MGAM: variants seen among roughly 807,000 people sequenced by gnomAD.
The protein encoded by MGAM is maltase-glucoamylase, also known as alpha-1,4-glucosidase.
Under a neutral mutation model 358.8 loss-of-function variants are expected in MGAM, and 253 were observed. That is an observed-to-expected ratio of 0.71 (90% CI 0.64 to 0.78). The LOEUF is 0.78. MGAM is among the 30% of genes least tolerant of loss of function. MGAM has a pLI of 0.00. For synonymous variants in MGAM, 1,105 were observed against 1,227.1 expected, an observed-to-expected ratio of 0.90 and a Z score of 2.08; for missense variants, 3,080 against 3,432.6, an observed-to-expected ratio of 0.90 and a Z score of 2.57.
chr7:141,990,780 G>T (rs1015300738), intron 2 of MGAM, among the ~76,000 whole-genome samples: 3 of 152,154 alleles, frequency 2.0e-5, no homozygotes, highest in Non-Finnish European at 4.4e-5. Context: ...CGCTGCACCG[G>T]TTCTGTTATT....
chr7:142,041,892 T>TGTA (rs1808628238), intron 21 of MGAM, among the ~76,000 whole-genome samples: 1 of 44,792 alleles, frequency 2.2e-5, no homozygotes, highest in Non-Finnish European at 3.8e-5. Context: ...ACGTATAATA[T>TGTA]ATAATATATA....
At chr7:142,026,481 A>C (rs1806984227) in intron 8 of MGAM, among the ~76,000 whole-genome samples, 1 of 152,214 alleles carries the variant, frequency 6.6e-6, no homozygotes, top group Non-Finnish European at 1.5e-5. Flanking sequence ...GTGATGAGTA[A>C]CTCAAAGCAG....
rs779098977 is a variant in MGAM, at chr7:142,008,671, G to A, written c.293G>A (p.Arg98Gln). ...AECPVVNELE[R>Q]INCIPDQPPT... Reference sequence around the variant, plus strand: ...TGTCCAGTGGTAAATGAATTGGAACGAATTAATTGCATCCCTGACCAGCCG... The same window carrying A: ...TGTCCAGTGGTAAATGAATTGGAACAAATTAATTGCATCCCTGACCAGCCG... The change falls in exon 3 of 71, where the codon CGA becomes CAA. Residue 98 changes from arginine to glutamine, a missense_variant. By Grantham distance (43) the Arg-to-Gln change is conservative. Around this residue, in one of 5 missense-constraint regions of MGAM, gnomAD observed 1,816 missense variants for 1,840.5 expected, o/e 0.99. Coordinates refer to ENST00000475668, the MANE Select transcript of MGAM (RefSeq NM_001365693.1). 112 of 1,613,244 alleles carry A rather than the reference G, an allele frequency of 6.9e-5. No individual in the cohort carries two copies. Among genetic ancestry groups the A allele is most frequent in the Non-Finnish European group, 9.1e-5 (107 of 1,179,584 alleles).
intron 2 of MGAM, among the ~76,000 whole-genome samples, chr7:142,006,917 C>A (rs375589747): frequency 1.3e-5 from 2 of 152,088 alleles, no homozygotes; most frequent in South Asian, 2.1e-4. Context: ...TGCTGCTGTG[C>A]GCTTCATCTT....
At position 142,021,715 on chromosome 7, in the gene MGAM, A is replaced by G; in HGVS notation, c.688A>G (p.Arg230Gly). The G allele has an allele frequency of 5.0e-6, 8 of 1,613,944 alleles. No individual in the cohort carries two copies. Among genetic ancestry groups the G allele is most frequent in the Non-Finnish European group, 6.8e-6 (8 of 1,179,814 alleles). Residue 230 changes from arginine (R) to glycine (G), a missense_variant, in exon 6 of 71, where the codon AGA becomes GGA. Physicochemically the swap from Arg to Gly is moderately radical, Grantham distance 125 (BLOSUM62 -2). Around this residue, in one of 5 missense-constraint regions of MGAM, gnomAD observed 1,816 missense variants for 1,840.5 expected, o/e 0.99. Coordinates refer to ENST00000475668, the MANE Select transcript of MGAM (RefSeq NM_001365693.1). ...SRQPFSIKVT[R>G]RSNNRVLFDS... Reference sequence around the variant, plus strand: ...ACAGCCATTTAGCATCAAAGTGACCAGAAGAAGCAACAATCGTGTTTTGTA... The same window carrying G: ...ACAGCCATTTAGCATCAAAGTGACCGGAAGAAGCAACAATCGTGTTTTGTA...
chr7:142,003,117 C>T (rs536987877), intron 1 of MGAM, among the ~76,000 whole-genome samples: 1 of 152,036 alleles, frequency 6.6e-6, no homozygotes, highest in Non-Finnish European at 1.5e-5. Context: ...TTGGAGGAAT[C>T]AGTATCATCA....
chr7:142,092,397 C>T (rs1182956806), intron 58 of MGAM, 124 bp from the exon 59 acceptor site: 1 of 1,030,418 alleles, frequency 9.7e-7, no homozygotes, highest in South Asian at 1.5e-5. Context: ...TGATGAAGCT[C>T]CCAGGGCTGG....
At position 142,089,887 on chromosome 7, in the gene MGAM, G is replaced by A. The variant is rs772704698; in HGVS notation, c.6811-2026G>A. 4.8e-5 allele frequency among the ~76,000 whole-genome samples: 7 copies of A among 146,350 alleles called. 1 individual carries two copies. The highest frequency in any genetic ancestry group is 9.3e-5 in the Non-Finnish European group (6 of 64,664). ...TTATATTATTAATAAAGACCCACTC[G>A]ATGAAGCTGGTGAGGATGAAGCCAC... On this transcript the variant is annotated intron_variant, in intron 57 of 70. Transcript: ENST00000475668.
chr7:142,039,126 G>A, intron 19 of MGAM, among the ~76,000 whole-genome samples: 1 of 126,310 alleles, frequency 7.9e-6, no homozygotes, highest in African/African-American at 3.3e-5. Context: ...TTTTTTTTGA[G>A]ATGGAGTCTC....
At chr7:142,099,864 T>C (rs1816292956) in intron 67 of MGAM, 127 bp downstream of exon 67, 2 of 1,358,594 alleles carry the variant, frequency 1.5e-6, no homozygotes, top group Non-Finnish European at 2.0e-6. Context: ...GTTTTTTCTT[T>C]GTTTGCTTGT....
In MGAM at chr7:142,076,745, G is replaced by A. The variant is rs749455411; in HGVS notation, c.5412G>A (p.Glu1804=). The A allele has an allele frequency of 6.4e-7, 1 of 1,553,808 alleles. No homozygotes were observed. The highest frequency in any genetic ancestry group is 8.8e-7 in the Non-Finnish European group (1 of 1,130,280). ...AFNEIKILGM[E]EPSNVTVKHN... ...ATGAGATTAAAATTCTTGGGATGGAGGAACCTAGCAATGTTACGGTGAAAC... is the reference window on the plus strand; with the variant it reads ...ATGAGATTAAAATTCTTGGGATGGAAGAACCTAGCAATGTTACGGTGAAAC... Residue 1804 remains glutamate (E), a synonymous_variant, in exon 47 of 71, where the codon GAG becomes GAA. Coordinates refer to ENST00000475668, the MANE Select transcript of MGAM (RefSeq NM_001365693.1).
rs1156514233 is a variant in MGAM at position 142,052,274 on chromosome 7, T to C, written c.2806-20T>C. 1.3e-6 allele frequency: 2 copies of C among 1,578,248 alleles called. No individual in the cohort carries two copies. Among genetic ancestry groups the C allele is most frequent in the Non-Finnish European group, 1.7e-6 (2 of 1,161,068 alleles). On this transcript the variant is annotated intron_variant, in intron 24 of 70. Transcript: ENST00000475668. The stretch of plus-strand genomic sequence containing the variant: ...TGTCTCCTAAAGATGAATTTCCTTA[T>C]GATTTCCACATTCCTACAGGTTGCC...
At chr7:142,042,946 ATTATATATACATATAATATCT>A (rs1563149528) in intron 21 of MGAM, among the ~76,000 whole-genome samples, 28 of 63,014 alleles carry the variant, frequency 4.4e-4, no homozygotes, top group African/African-American at 1.6e-3. Flanking sequence ...TAATATATAT[ATTATATATACATATAATATCT>A]AAATATAATA....
chr7:141,999,787 G>A (rs563244995), intron 1 of MGAM, among the ~76,000 whole-genome samples: 7 of 152,002 alleles, frequency 4.6e-5, no homozygotes, highest in South Asian at 2.1e-4. Context: ...TTTTATTTGC[G>A]TCTTGCCATT....
chr7:141,991,079 A>C (rs1426450195), upstream of MGAM, among the ~76,000 whole-genome samples: 2 of 152,302 alleles, frequency 1.3e-5, no homozygotes, highest in South Asian at 4.1e-4. Flanking sequence ...CATTAGTTAC[A>C]TGACCTGGGG....
chr7:142,067,404 G>C lies in MGAM; in HGVS notation c.4983G>C (p.Leu1661=), dbSNP rs763225427. The C allele has an allele frequency of 4.5e-6, 7 of 1,551,974 alleles. 1 individual carries two copies. In the South Asian group the frequency reaches 6.7e-5, roughly 15 times the overall value. The part of the protein sequence containing the change: ...DSQFLLGPAF[L]VSPVLERNAR... ...AGTTCCTGCTGGGCCCAGCCTTCCT[G>C]GTCAGCCCTGTCCTGGAGCGCGTGA... The change falls in exon 42 of 71, where the codon CTG becomes CTC. Residue 1661 remains leucine, a synonymous_variant. Transcript: ENST00000475668.
intron 23 of MGAM, 97 bp from the exon 24 acceptor site, chr7:142,050,600 T>C: frequency 8.0e-7 from 1 of 1,254,524 alleles, no homozygotes; most frequent in Non-Finnish European, 1.1e-6. Context: ...TTTATGGCAG[T>C]GGGGGGTATC....
chr7:142,086,156 A>G (rs1814732402), intron 55 of MGAM, 62 bp from the exon 56 acceptor site: 2 of 1,452,992 alleles, frequency 1.4e-6, no homozygotes, highest in East Asian at 2.4e-5. Context: ...GTTCTCCTTC[A>G]TTCTGTTTCT....
Position 142,099,446 on chromosome 7 carries a change from A to G in MGAM, c.7750-167A>G, listed in dbSNP as rs373497583. Among the ~76,000 whole-genome samples the G allele has an allele frequency of 5.4e-4, 82 of 152,340 alleles. 1 individual carries two copies. Among genetic ancestry groups the G allele is most frequent in the African/African-American group, 1.9e-3 (81 of 41,590 alleles). On this transcript the variant is annotated intron_variant, in intron 66 of 70. Transcript: ENST00000475668. ...CAAGATATTATAGCAGCCTTGCAAG[A>G]TTTCTTGCAGCACTGGGTGAATGCA...
Sources: allele counts gnomAD v4.1 joint callset (sites outside exome capture counted in the v4.1 genomes callset), GRCh38; gene constraint gnomAD v4.1.1; regional missense constraint gnomAD v4.1.1; transcripts MANE v1.5; gene names NCBI Gene and HGNC (gene_info 2026-07-23, HGNC 2026-07-21).